DSCAML1: variants seen among roughly 807,000 people sequenced by gnomAD.
DSCAML1 encodes the protein DS cell adhesion molecule like 1.
A neutral mutation model predicts 200.5 loss-of-function variants in DSCAML1; 38 were observed. That is an observed-to-expected ratio of 0.19 (90% CI 0.15 to 0.25). The LOEUF (loss-of-function observed/expected upper bound fraction) is 0.25, where lower values mean the gene tolerates loss of function less well. DSCAML1 is among the 10% of genes least tolerant of loss of function. The pLI is 1.00. For synonymous variants in DSCAML1, 1,215 were observed against 1,165.0 expected (o/e 1.04, Z -0.87); for missense variants, 2,223 against 2,858.8 (o/e 0.78, Z 5.07).
Position 117,437,927 on chromosome 11 carries a change from C to G in DSCAML1, c.4400G>C (p.Ser1467Thr). 1 of 1,612,706 alleles carries G rather than the reference C, an allele frequency of 6.2e-7. No homozygotes were observed. Among genetic ancestry groups the G allele is most frequent in the Non-Finnish European group, 8.5e-7 (1 of 1,179,772 alleles). The change falls in exon 25 of 33, where the codon AGC becomes ACC. Residue 1467 changes from serine to threonine, a missense_variant. Ser to Thr is a moderately conservative substitution (Grantham distance 58). Around this residue, in one of 7 missense-constraint regions of DSCAML1, gnomAD observed 614 missense variants for 739.1 expected, o/e 0.83. Transcript: ENST00000651296. This position sits in a 1 kb window ranked among gnomAD's most constrained non-coding sequence, Gnocchi z 5.3. Reference protein sequence around the residue: ...AKNSVGSGRISEIIEAKTHGR... With the variant: ...AKNSVGSGRITEIIEAKTHGR... ...GTGGGTCTTGGCCTCGATGATCTCG[C>G]TGATGCGCCCAGAGCCCACGCTGTT...
chr11:117,571,122 T>C (rs926658974), intron 3 of DSCAML1, among the ~76,000 whole-genome samples: 1 of 152,224 alleles, frequency 6.6e-6, no homozygotes, highest in Non-Finnish European at 1.5e-5. Flanking sequence ...GTGGGGACGA[T>C]GTCGGGAGAC....
chr11:117,733,154 G>A (rs2137822346), intron 3 of DSCAML1, among the ~76,000 whole-genome samples: 1 of 152,212 alleles, frequency 6.6e-6, no homozygotes, highest in Non-Finnish European at 1.5e-5. Context: ...GGGGGAAGGG[G>A]CCAGAAAGGG....
At chr11:117,447,729 G>A (rs534015104) in intron 20 of DSCAML1, among the ~76,000 whole-genome samples, 3 of 152,100 alleles carry the variant, frequency 2.0e-5, no homozygotes, top group African/African-American at 7.2e-5. Flanking sequence ...TGGTTCATCC[G>A]CTCCCGCCAG....
At chr11:117,461,122 A>G (rs1448520025) in intron 18 of DSCAML1, among the ~76,000 whole-genome samples, 2 of 152,096 alleles carry the variant, frequency 1.3e-5, no homozygotes, top group East Asian at 3.9e-4. Context: ...ACTTCCCCAA[A>G]CACACACTGT....
intron 30 of DSCAML1, 80 bp from the exon 31 acceptor site, chr11:117,431,808 C>G: frequency 1.5e-6 from 2 of 1,378,544 alleles, no homozygotes; most frequent in South Asian, 3.1e-5. Context: ...CCAGAAAGGG[C>G]AGGGGGGAGC....
intron 4 of DSCAML1, among the ~76,000 whole-genome samples, chr11:117,530,061 A>G (rs757581461): frequency 1.3e-5 from 2 of 151,618 alleles, no homozygotes; most frequent in Non-Finnish European, 2.9e-5. Flanking sequence ...CCCCATGCCA[A>G]TCTCTCTTTG....
rs75401059 is a variant in DSCAML1, at chr11:117,730,022, A to G, written c.511+46769T>C. Among the ~76,000 whole-genome samples, 41 of 152,306 alleles carry G rather than the reference A, an allele frequency of 2.7e-4. No homozygotes were observed. In the East Asian group the frequency reaches 7.3e-3, roughly 27 times the overall value. Reference sequence around the variant, plus strand: ...GAGACCATCCTGGCCAACATGGTGAAACTCTATCTCTACTAAAAATACAAA... The same window carrying G: ...GAGACCATCCTGGCCAACATGGTGAGACTCTATCTCTACTAAAAATACAAA... On this transcript the variant is annotated intron_variant, in intron 3 of 32. Coordinates refer to ENST00000651296, the MANE Select transcript of DSCAML1 (RefSeq NM_020693.4).
chr11:117,575,126 G>A (rs1410531662), intron 3 of DSCAML1, among the ~76,000 whole-genome samples: 1 of 152,182 alleles, frequency 6.6e-6, no homozygotes, highest in South Asian at 2.1e-4. Flanking sequence ...AGGAGGCGGA[G>A]GTTGCAATGA....
At chr11:117,743,345 A>G (rs1468343610) in intron 3 of DSCAML1, among the ~76,000 whole-genome samples, 1 of 152,152 alleles carries the variant, frequency 6.6e-6, no homozygotes, top group East Asian at 1.9e-4. Flanking sequence ...CAGTATCCAC[A>G]TGGCTGCACA....
At chr11:117,698,941 G>T (rs1304370991) in intron 3 of DSCAML1, among the ~76,000 whole-genome samples, 1 of 152,142 alleles carries the variant, frequency 6.6e-6, no homozygotes, top group Non-Finnish European at 1.5e-5. Context: ...TGACACTTAC[G>T]CACAACACCG....
At chr11:117,739,415 C>T (rs139561319) in intron 3 of DSCAML1, among the ~76,000 whole-genome samples, 62 of 152,350 alleles carry the variant, frequency 4.1e-4, no homozygotes, top group African/African-American at 1.4e-3. Flanking sequence ...CCAGCCGATA[C>T]TGTTGTGCAC....
intron 3 of DSCAML1, among the ~76,000 whole-genome samples, chr11:117,590,990 G>T (rs1309763725): frequency 1.3e-5 from 2 of 152,126 alleles, no homozygotes; most frequent in Admixed American, 1.3e-4. Context: ...TGATGAAGCT[G>T]GTGTAGACAC....
intron 24 of DSCAML1, 58 bp from the exon 25 acceptor site, chr11:117,438,141 C>T: frequency 2.0e-6 from 3 of 1,518,956 alleles, no homozygotes; most frequent in South Asian, 1.3e-5. Flanking sequence ...AGCAGAAGCC[C>T]AGCCTCAGGT....
chr11:117,583,960 G>A (rs1454558428), intron 3 of DSCAML1, among the ~76,000 whole-genome samples: 1 of 152,186 alleles, frequency 6.6e-6, no homozygotes, highest in Non-Finnish European at 1.5e-5. Flanking sequence ...TTGGAGTTGT[G>A]GGGGCAGGCT....
rs375628324 is a variant in DSCAML1, at chr11:117,780,536, G to A, written c.321C>T (p.Asn107=). Residue 107 remains asparagine (N), a synonymous_variant, in exon 2 of 33, where the codon AAC becomes AAT. Coordinates refer to ENST00000651296, the MANE Select transcript of DSCAML1 (RefSeq NM_020693.4). This position sits in a 1 kb window ranked among gnomAD's most constrained non-coding sequence, Gnocchi z 4.8. ...TGGGGCTCCGGATCTTGCCGGCAGC[G>A]TTCTCCGCGGTGCAGAAGTAGTCAT... is the stretch of plus-strand genomic sequence containing the variant. ...HDNDYFCTAE[N]AAGKIRSPNI... 2.5e-5 allele frequency: 37 copies of A among 1,472,520 alleles called. No individual in the cohort carries two copies. In the East Asian group the frequency reaches 2.6e-4, roughly 10 times the overall value. The allele number at this position is 1,472,520 out of a possible 1,614,324, so 91.2% of individuals were successfully genotyped here. A position where few individuals can be genotyped will look rare whatever the true frequency, so the allele number is the denominator to read the frequency against.
chr11:117,641,473 C>T (rs539670285), intron 3 of DSCAML1, among the ~76,000 whole-genome samples: 1 of 152,312 alleles, frequency 6.6e-6, no homozygotes, highest in South Asian at 2.1e-4. Flanking sequence ...AACAGATGCG[C>T]ACACTGCCTG....
intron 19 of DSCAML1, among the ~76,000 whole-genome samples, chr11:117,453,750 T>TTTTC (rs1565694947): frequency 7.7e-6 from 1 of 130,404 alleles, no homozygotes; most frequent in Non-Finnish European, 1.6e-5. Flanking sequence ...TTCTTTCTTT[T>TTTTC]TTTTTTTTTT....
At chr11:117,728,150 C>T (rs888763605) in intron 3 of DSCAML1, among the ~76,000 whole-genome samples, 1 of 152,120 alleles carries the variant, frequency 6.6e-6, no homozygotes, top group African/African-American at 2.4e-5. Context: ...TAATGTAATA[C>T]AACACATCCA....
chr11:117,433,387 C>T (rs963546244), intron 28 of DSCAML1, 54 bp downstream of exon 28: 6 of 1,608,284 alleles, frequency 3.7e-6, no homozygotes, highest in Admixed American at 1.7e-5. Context: ...CCTGGGTCCT[C>T]CTCAGGACAG....
Sources: allele counts gnomAD v4.1 joint callset (sites outside exome capture counted in the v4.1 genomes callset), GRCh38; gene constraint gnomAD v4.1.1; regional missense constraint gnomAD v4.1.1; non-coding constraint Gnocchi (gnomAD v3.1); transcripts MANE v1.5; gene names NCBI Gene and HGNC (gene_info 2026-07-23, HGNC 2026-07-21).